GNA15: variants seen among roughly 807,000 people sequenced by gnomAD.
The protein encoded by GNA15 is guanine nucleotide-binding protein subunit alpha-15.
A neutral mutation model predicts 40.1 loss-of-function variants in GNA15; 23 were observed. The ratio of observed to expected loss-of-function variants is 0.57; its 90% confidence interval spans 0.41 to 0.81. GNA15 has a LOEUF of 0.81. Ranked by LOEUF, GNA15 falls within the 40% of genes least tolerant of loss-of-function variation. GNA15 has a pLI of 0.00. For synonymous variants in GNA15, 226 were observed against 210.4 expected (o/e 1.07, Z -0.64); for missense variants, 522 against 515.8 (o/e 1.01, Z -0.12).
At chr19:3,152,656 T>C (rs563844170) in intron 4 of GNA15, among the ~76,000 whole-genome samples, 18 of 152,242 alleles carry the variant, frequency 1.2e-4, no homozygotes, top group Middle Eastern at 3.4e-3. Flanking sequence ...GACTCTGGGA[T>C]TGGCAGTTAG....
At chr19:3,147,543 T>A (rs1249504952) in intron 1 of GNA15, among the ~76,000 whole-genome samples, 20 of 92,752 alleles carry the variant, frequency 2.2e-4, no homozygotes, top group Non-Finnish European at 6.6e-5. Flanking sequence ...ACAGAGAATC[T>A]GTCTAAAAAA....
At chr19:3,156,569 T>C (rs1915035282) in intron 5 of GNA15, among the ~76,000 whole-genome samples, 1 of 152,188 alleles carries the variant, frequency 6.6e-6, no homozygotes, top group East Asian at 1.9e-4. Flanking sequence ...CTCGGCTCAC[T>C]GGAAACTCCG....
Position 3,157,819 on chromosome 19 carries a change from C to T in GNA15, c.836C>T (p.Thr279Ile). ...TCCGTCATCCTCTTTCTCAACAAAACCGACATCCTGGAGGAGAAAATCCCC... is the reference window on the plus strand; with the variant it reads ...TCCGTCATCCTCTTTCTCAACAAAATCGACATCCTGGAGGAGAAAATCCCC... ...STSVILFLNK[T>I]DILEEKIPTS... The change falls in exon 6 of 7, where the codon ACC becomes ATC. Residue 279 changes from threonine to isoleucine, a missense_variant. By Grantham distance (89) the Thr-to-Ile change is moderately conservative (BLOSUM62 -1). Coordinates refer to ENST00000262958, the MANE Select transcript of GNA15 (RefSeq NM_002068.4). 2 of 1,613,690 alleles carry T rather than the reference C, an allele frequency of 1.2e-6. No individual in the cohort carries two copies. The highest frequency in any genetic ancestry group is 1.7e-6 in the Non-Finnish European group (2 of 1,179,564).
intron 4 of GNA15, among the ~76,000 whole-genome samples, chr19:3,153,305 A>G (rs1433617194): frequency 2.0e-5 from 3 of 150,976 alleles, no homozygotes; most frequent in Admixed American, 6.6e-5. Flanking sequence ...GGGTGGATGA[A>G]TGGGTGGATG....
chr19:3,147,286 C>G (rs1429322924), intron 1 of GNA15, among the ~76,000 whole-genome samples: 1 of 152,208 alleles, frequency 6.6e-6, no homozygotes, highest in Admixed American at 6.5e-5. Context: ...GGCACGGTGG[C>G]TCACGCCTGT....
chr19:3,148,273 A>T (rs548630002), intron 1 of GNA15, among the ~76,000 whole-genome samples: 2 of 152,048 alleles, frequency 1.3e-5, no homozygotes, highest in South Asian at 4.1e-4. Context: ...TTTTTAATAG[A>T]GATGGGGTTT....
chr19:3,156,207 A>AC (rs1568298565), intron 5 of GNA15, among the ~76,000 whole-genome samples: 1 of 62,940 alleles, frequency 1.6e-5, no homozygotes, highest in Non-Finnish European at 4.0e-5. Context: ...CACACACTAC[A>AC]GTGCACACAC....
At chr19:3,145,932 C>T (rs754470386) in intron 1 of GNA15, among the ~76,000 whole-genome samples, 7 of 152,062 alleles carry the variant, frequency 4.6e-5, no homozygotes, top group South Asian at 2.1e-4. Context: ...CGGCCACCCC[C>T]GACCTGCCCC....
Position 3,163,011 on chromosome 19 carries a change from C to G in GNA15, c.1117C>G (p.Leu373Val), listed in dbSNP as rs1440710887. ...CGCCCGCTACCTGGACGAGATCAAC[C>G]TGCTGTGACCCAGGCCCCACCTGGG... ...VLARYLDEIN[L>V]L Residue 373 changes from leucine (L) to valine (V), a missense_variant, in exon 7 of 7, where the codon CTG becomes GTG. Leu to Val is a conservative substitution (Grantham distance 32). Coordinates refer to ENST00000262958, the MANE Select transcript of GNA15 (RefSeq NM_002068.4). The G allele has an allele frequency of 3.1e-6, 5 of 1,612,026 alleles. No individual in the cohort carries two copies. Among genetic ancestry groups the G allele is most frequent in the South Asian group, 1.1e-5 (1 of 91,038 alleles).
At chr19:3,142,970 G>C (rs184247744) in intron 1 of GNA15, 12 of 152,312 alleles carry the variant, frequency 7.9e-5, no homozygotes, top group Admixed American at 7.8e-4. Flanking sequence ...TCCAGTCATC[G>C]GCAGTTGGGC....
chr19:3,150,447 G>T (rs1469728765), intron 3 of GNA15, among the ~76,000 whole-genome samples, 162 bp downstream of exon 3: 1 of 152,214 alleles, frequency 6.6e-6, no homozygotes, highest in Non-Finnish European at 1.5e-5. Flanking sequence ...ATTCCCGGGG[G>T]ACCCTGTTCT....
chr19:3,138,372 G>GA (rs889750123), intron 1 of GNA15, among the ~76,000 whole-genome samples: 1 of 151,980 alleles, frequency 6.6e-6, no homozygotes, highest in Non-Finnish European at 1.5e-5. Flanking sequence ...CCTAAGCCCG[G>GA]GATGCTAGCC....
chr19:3,146,988 C>T (rs2144848629), intron 1 of GNA15, among the ~76,000 whole-genome samples: 1 of 152,226 alleles, frequency 6.6e-6, no homozygotes, highest in South Asian at 2.1e-4. Flanking sequence ...CGGCCCTGCC[C>T]CAGGGCCTTT....
chr19:3,156,964 G>C (rs917501971), intron 5 of GNA15, among the ~76,000 whole-genome samples: 4 of 151,898 alleles, frequency 2.6e-5, no homozygotes, highest in African/African-American at 2.4e-5. Context: ...GGGGAAATAT[G>C]ATGTACCCCA....
At chr19:3,148,440 C>G in intron 1 of GNA15, 151 bp from the exon 2 acceptor site, 1 of 691,136 alleles carries the variant, frequency 1.4e-6, no homozygotes. Context: ...GGCAAAGCCG[C>G]TAGCCTAGGG....
intron 1 of GNA15, among the ~76,000 whole-genome samples, chr19:3,142,636 T>G (rs1361319255): frequency 1.3e-5 from 2 of 151,764 alleles, no homozygotes; most frequent in Admixed American, 6.6e-5. Flanking sequence ...TTTGGGAGGC[T>G]GAGGAGGGGT....
intron 4 of GNA15, among the ~76,000 whole-genome samples, chr19:3,153,930 T>C (rs565680577): frequency 6.9e-6 from 1 of 145,706 alleles, no homozygotes; most frequent in East Asian, 2.1e-4. Context: ...GGTGGACGAG[T>C]GAGTGGATAG....
intron 1 of GNA15, among the ~76,000 whole-genome samples, chr19:3,138,357 G>A (rs1208252709): frequency 1.0e-4 from 4 of 39,846 alleles, no homozygotes; most frequent in African/African-American, 3.5e-4. Context: ...TTATGGCCCC[G>A]TTGGCCTAAG....
At chr19:3,160,656 G>A (rs1915120338) in intron 6 of GNA15, among the ~76,000 whole-genome samples, 1 of 152,204 alleles carries the variant, frequency 6.6e-6, no homozygotes, top group Admixed American at 6.5e-5. Context: ...CCGTAACAAA[G>A]TACCACAAAC....
Sources: allele counts gnomAD v4.1 joint callset (sites outside exome capture counted in the v4.1 genomes callset), GRCh38; gene constraint gnomAD v4.1.1; transcripts MANE v1.5; gene names NCBI Gene and HGNC (gene_info 2026-07-23, HGNC 2026-07-21).